H2BC4: variants seen among roughly 807,000 people sequenced by gnomAD.
The protein encoded by H2BC4 is H2B clustered histone 4, also known as histone H2B type 1-C/E/F/G/I.
A neutral mutation model predicts 6.2 loss-of-function variants in H2BC4; 10 were observed. The ratio of observed to expected loss-of-function variants is 1.61; its 90% CI spans 0.99 to 2.73. The LOEUF is 2.73. H2BC4 is among the 30% of genes most tolerant of loss of function. The pLI, the probability that H2BC4 is intolerant of heterozygous loss-of-function variation, is 0.00. For missense variants in H2BC4, 176 were observed against 168.7 expected, an observed-to-expected ratio of 1.04 and a Z score of -0.24; for synonymous variants, 146 against 70.7, an observed-to-expected ratio of 2.07 and a Z score of -5.35.
chr6:26,123,708 AAAG>A lies in H2BC4; in HGVS notation c.194_196del (p.Ser65del). ...GATGCGCTCAAATATGTCGTTAACG[AAAG>A]AATTCATGATGCCCATGGCCTTGGA... On this transcript the variant is annotated inframe_deletion, in exon 1 of 1. Coordinates refer to ENST00000396984, the MANE Select transcript of H2BC4 (RefSeq NM_003526.3). 1 of 1,614,268 alleles carries A rather than the reference AAAG, an allele frequency of 6.2e-7. No individual in the cohort carries two copies. The highest frequency in any genetic ancestry group is 1.1e-5 in the South Asian group (1 of 91,092).
downstream of H2BC4, among the ~76,000 whole-genome samples, chr6:26,113,217 T>C (rs1460124125): frequency 6.6e-6 from 1 of 152,254 alleles, no homozygotes; most frequent in Non-Finnish European, 1.5e-5. Context: ...ATTTACAGTC[T>C]ATCAGCAGTG....
intron 1 of H2BC4, among the ~76,000 whole-genome samples, chr6:26,118,128 G>A (rs1286778100): frequency 6.6e-6 from 1 of 151,932 alleles, no homozygotes; most frequent in Non-Finnish European, 1.5e-5. Context: ...AGTTTGTTTA[G>A]TTTTTTGTTT....
chr6:26,113,616 C>CTAGGACTTAG (rs1763385890), downstream of H2BC4, among the ~76,000 whole-genome samples: 1 of 152,104 alleles, frequency 6.6e-6, no homozygotes, highest in Non-Finnish European at 1.5e-5. Context: ...TCTTAGTTTT[C>CTAGGACTTAG]TTGTCTGTAA....
chr6:26,123,325 C>G, downstream of H2BC4: 2 of 948,936 alleles, frequency 2.1e-6, no homozygotes, highest in Non-Finnish European at 3.0e-6. Context: ...TTTTTAATGG[C>G]TGGCTTCTTT....
intron 1 of H2BC4, among the ~76,000 whole-genome samples, chr6:26,115,753 C>G (rs1763409804): frequency 6.6e-6 from 1 of 152,142 alleles, no homozygotes; most frequent in African/African-American, 2.4e-5. Flanking sequence ...GTATTGTTCT[C>G]TGCAGATTTT....
At chr6:26,115,788 A>G (rs1763410033) in intron 1 of H2BC4, among the ~76,000 whole-genome samples, 1 of 152,256 alleles carries the variant, frequency 6.6e-6, no homozygotes, top group Non-Finnish European at 1.5e-5. Flanking sequence ...TTATTTTTTA[A>G]TTGTTAAAAA....
Position 26,123,857 on chromosome 6 carries a change from C to G in H2BC4, c.48G>C (p.Lys16Asn). ...TCTTCTGCGCTTTGGTCACTGCCTT[C>G]TTGGAGCCCTTCTTCGGGGCGGGAG... ...KSAPAPKKGS[K>N]KAVTKAQKKD... Residue 16 changes from lysine to asparagine, a missense_variant, in exon 1 of 1, where the codon AAG becomes AAC. Lys to Asn is a moderately conservative substitution (Grantham distance 94). Coordinates refer to ENST00000396984, the MANE Select transcript of H2BC4 (RefSeq NM_003526.3). 1 of 1,614,226 alleles carries G rather than the reference C, an allele frequency of 6.2e-7. No homozygotes were observed. Among genetic ancestry groups the G allele is most frequent in the Non-Finnish European group, 8.5e-7 (1 of 1,180,038 alleles).
downstream of H2BC4, among the ~76,000 whole-genome samples, chr6:26,120,242 TG>T (rs1236183698): frequency 1.3e-5 from 2 of 152,082 alleles, no homozygotes; most frequent in African/African-American, 4.8e-5. Flanking sequence ...GTGGATCACC[TG>T]AGTTCGAGAC....
intron 1 of H2BC4, among the ~76,000 whole-genome samples, chr6:26,118,260 G>C (rs1371251841): frequency 6.6e-6 from 1 of 152,018 alleles, no homozygotes; most frequent in Non-Finnish European, 1.5e-5. Context: ...ATTCCTTAAA[G>C]TACAAATTGT....
intron 1 of H2BC4, among the ~76,000 whole-genome samples, chr6:26,116,650 C>T (rs932675412): frequency 2.6e-5 from 4 of 151,964 alleles, no homozygotes; most frequent in Non-Finnish European, 4.4e-5. Flanking sequence ...CAATGAGATG[C>T]GATTGCGCCA....
chr6:26,119,231 G>A (rs198828), downstream of H2BC4, among the ~76,000 whole-genome samples: 69,928 of 151,832 alleles, frequency 0.46, 16,927 homozygotes, highest in Non-Finnish European at 0.54. Flanking sequence ...TATACAGTAC[G>A]TGATTTACAA....
rs1020393846 is a variant in H2BC4, at chr6:26,123,863, G to A, written c.42C>T (p.Gly14=). The change falls in exon 1 of 1, where the codon GGC becomes GGT. Residue 14 remains glycine, a synonymous_variant. Coordinates refer to ENST00000396984, the MANE Select transcript of H2BC4 (RefSeq NM_003526.3). ...PAKSAPAPKK[G]SKKAVTKAQK... is the part of the protein sequence containing the mutation. ...GCGCTTTGGTCACTGCCTTCTTGGAGCCCTTCTTCGGGGCGGGAGCAGACT... is the reference window on the plus strand; with the variant it reads ...GCGCTTTGGTCACTGCCTTCTTGGAACCCTTCTTCGGGGCGGGAGCAGACT... 1.2e-6 allele frequency: 2 copies of A among 1,614,228 alleles called. No individual in the cohort carries two copies. Among genetic ancestry groups the A allele is most frequent in the Non-Finnish European group, 1.7e-6 (2 of 1,180,046 alleles).
Position 26,123,856 on chromosome 6 carries a change from T to G in H2BC4, c.49A>C (p.Lys17Gln). The stretch of plus-strand genomic sequence containing the variant: ...TTCTTCTGCGCTTTGGTCACTGCCT[T>G]CTTGGAGCCCTTCTTCGGGGCGGGA... The part of the protein sequence containing the change: ...SAPAPKKGSK[K>Q]AVTKAQKKDG... The change falls in exon 1 of 1, where the codon AAG (lysine) becomes CAG (glutamine). Residue 17 changes from lysine to glutamine, a missense_variant. Coordinates refer to ENST00000396984, the MANE Select transcript of H2BC4 (RefSeq NM_003526.3). 1 of 1,614,224 alleles carries G rather than the reference T, an allele frequency of 6.2e-7. No individual in the cohort carries two copies. Among genetic ancestry groups the G allele is most frequent in the Non-Finnish European group, 8.5e-7 (1 of 1,180,034 alleles).
chr6:26,123,415 T>C (rs1581412927), downstream of H2BC4: 1 of 1,535,190 alleles, frequency 6.5e-7, no homozygotes, highest in East Asian at 2.3e-5. Flanking sequence ...CTAATACCCC[T>C]CCGCCGCCAA....
downstream of H2BC4, among the ~76,000 whole-genome samples, chr6:26,118,543 T>A (rs1306240334): frequency 1.3e-5 from 2 of 152,300 alleles, no homozygotes; most frequent in Non-Finnish European, 2.9e-5. Context: ...ATTTGCTTGT[T>A]TTTTAATACT....
In H2BC4 at chr6:26,123,515, T is replaced by A. The variant is rs185059741; in HGVS notation, c.*9A>T. ...TGGGGTTAGGTGTTAAGACGCTTAC[T>A]TGGAATGTTTACTTGGAGCTGGTGT... is the stretch of plus-strand genomic sequence containing the variant. On this transcript the variant is annotated 3_prime_UTR_variant, in exon 1 of 1. Transcript: ENST00000396984. The A allele has an allele frequency of 8.1e-6, 13 of 1,614,206 alleles. No individual in the cohort carries two copies. The East Asian group carries it at 2.9e-4, about 36-fold the overall frequency.
chr6:26,118,801 C>T (rs994662977), downstream of H2BC4, among the ~76,000 whole-genome samples: 1 of 152,120 alleles, frequency 6.6e-6, no homozygotes, highest in Non-Finnish European at 1.5e-5. Context: ...CTGGGAAGCA[C>T]ATATCCATCT....
At chr6:26,117,536 A>G (rs1162193264) in intron 1 of H2BC4, among the ~76,000 whole-genome samples, 1 of 152,058 alleles carries the variant, frequency 6.6e-6, no homozygotes, top group Non-Finnish European at 1.5e-5. Flanking sequence ...CTGTGCAGCC[A>G]TTTTACTAGC....
At chr6:26,117,942 A>G (rs1286438313) in intron 1 of H2BC4, among the ~76,000 whole-genome samples, 4 of 151,540 alleles carry the variant, frequency 2.6e-5, no homozygotes, top group African/African-American at 9.8e-5. Context: ...GTGATTCTCT[A>G]GAAACACTTA....
Sources: allele counts gnomAD v4.1 joint callset (sites outside exome capture counted in the v4.1 genomes callset), GRCh38; gene constraint gnomAD v4.1.1; transcripts MANE v1.5; gene names NCBI Gene and HGNC (gene_info 2026-07-23, HGNC 2026-07-21).